Variants in GBP7 observed in about 807,000 individuals in gnomAD.
The protein encoded by GBP7 is guanylate binding protein 7, also known as guanylate-binding protein 7.
In GBP7, 43 loss-of-function variants were observed where a neutral mutation model predicts 61.3. The ratio of observed to expected loss-of-function variants is 0.70; its 90% CI spans 0.55 to 0.91. The LOEUF (loss-of-function observed/expected upper bound fraction) is 0.91. Ranked by LOEUF, GBP7 falls within the 40% of genes least tolerant of loss-of-function variation. The probability of loss-of-function intolerance (pLI) is 0.00; values close to 1 mark genes in which losing one functional copy is unlikely to be tolerated. For missense variants in GBP7, 717 were observed against 740.5 expected (o/e 0.97, Z 0.37); for synonymous variants, 267 against 271.0 (o/e 0.99, Z 0.14).
chr1:89,137,167 C>T (rs1681825993), intron 9 of GBP7, among the ~76,000 whole-genome samples: 1 of 151,892 alleles, frequency 6.6e-6, no homozygotes, highest in Non-Finnish European at 1.5e-5. Context: ...CATTAAAAAG[C>T]CTACCAAGCA....
At chr1:89,152,899 TA>T in intron 3 of GBP7, 122 bp from the exon 4 acceptor site, 2 of 606,950 alleles carry the variant, frequency 3.3e-6, no homozygotes, top group South Asian at 3.6e-5. Flanking sequence ...ATGCTGTGTC[TA>T]AAGGAAACAC....
In GBP7 at chr1:89,132,298, G is replaced by C; in HGVS notation, c.1768C>G (p.Pro590Ala). The C allele has an allele frequency of 6.2e-7, 1 of 1,613,838 alleles. No homozygotes were observed. The highest frequency in any genetic ancestry group is 8.5e-7 in the Non-Finnish European group (1 of 1,179,868). Reference sequence around the variant, plus strand: ...TCAAGAATCTGTGAAAACACTGAGGGCTCTTCATTTTCAGCTGCTTCAATT... The same window carrying C: ...TCAAGAATCTGTGAAAACACTGAGGCCTCTTCATTTTCAGCTGCTTCAATT... ...EQIEAAENEE[P>A]SVFSQILDVA... is the part of the protein sequence containing the mutation. Residue 590 changes from proline (P) to alanine (A), a missense_variant, in exon 11 of 11, where the codon CCC (proline) becomes GCC (alanine). Physicochemically the swap from Pro to Ala is conservative, Grantham distance 27 (BLOSUM62 -1). This residue lies in a region of GBP7 where 312 missense variants were observed against 310.1 expected (regional missense o/e 1.01). Transcript: ENST00000294671.
rs1406441084 is a variant in GBP7 at position 89,150,492 on chromosome 1, C to G, written c.709G>C (p.Asp237His). The G allele has an allele frequency of 7.4e-6, 12 of 1,613,864 alleles. No homozygotes were observed. The highest frequency in any genetic ancestry group is 1.0e-5 in the Non-Finnish European group (12 of 1,179,928). The change falls in exon 6 of 11, where the codon GAC (aspartate) becomes CAC (histidine). Residue 237 changes from aspartate (D) to histidine (H), a missense_variant. By Grantham distance (81) the Asp-to-His change is moderately conservative. Coordinates refer to ENST00000294671, the MANE Select transcript of GBP7 (RefSeq NM_207398.3). Reference sequence around the variant, plus strand: ...AGTTTTTTGTCATTTATTGGCCGGTCAAAGACAAAGCACTTCTGTTTTGGA... The same window carrying G: ...AGTTTTTTGTCATTTATTGGCCGGTGAAAGACAAAGCACTTCTGTTTTGGA... ...FFPKQKCFVF[D>H]RPINDKKLLL...
chr1:89,155,991 A>T (rs1244001826), intron 3 of GBP7, among the ~76,000 whole-genome samples: 1 of 152,258 alleles, frequency 6.6e-6, no homozygotes, highest in Non-Finnish European at 1.5e-5. Context: ...GAAGCCCATC[A>T]GACTAATAGC....
chr1:89,161,739 G>T (rs1464149677), intron 3 of GBP7, among the ~76,000 whole-genome samples: 1 of 152,084 alleles, frequency 6.6e-6, no homozygotes, highest in Non-Finnish European at 1.5e-5. Flanking sequence ...TTACTCTGTT[G>T]ATGGTTTCTT....
rs369626866 is a variant in GBP7, at chr1:89,138,702, T to C, written c.1468+2844A>G. On this transcript the variant is annotated intron_variant, in intron 9 of 10. Transcript: ENST00000294671. The stretch of plus-strand genomic sequence containing the variant: ...ACTCAAGATGAGTTAAAGATGTAAA[T>C]GTAAAATTTAAAACTATAAAACCAC... Among the ~76,000 whole-genome samples the C allele has an allele frequency of 3.7e-4, 56 of 152,164 alleles. 6 individuals carry two copies. Among genetic ancestry groups the C allele is most frequent in the Admixed American group, 9.2e-4 (14 of 15,272 alleles).
At position 89,168,459 on chromosome 1, in the gene GBP7, G is replaced by T. The variant is rs1647503237; in HGVS notation, c.190+3287C>A. On this transcript the variant is annotated intron_variant, in intron 2 of 10. Transcript: ENST00000294671. ...TATTCCTAAAATATTTTCCACCCAT[G>T]CTGACTAGTTGAGCAAAGCAAAACG... 1.3e-5 allele frequency among the ~76,000 whole-genome samples: 2 copies of T among 152,096 alleles called. 1 individual carries two copies. Among genetic ancestry groups the T allele is most frequent in the South Asian group, 4.1e-4 (2 of 4,828 alleles).
At chr1:89,149,149 G>T (rs1682133655) in intron 7 of GBP7, 143 bp downstream of exon 7, 1 of 609,474 alleles carries the variant, frequency 1.6e-6, no homozygotes, top group South Asian at 3.7e-5. Flanking sequence ...ATAAAAAACT[G>T]TAGCCCATTA....
chr1:89,170,200 AGTTCCACATG>A (rs1647561237), intron 2 of GBP7, among the ~76,000 whole-genome samples: 1 of 152,216 alleles, frequency 6.6e-6, no homozygotes, highest in Non-Finnish European at 1.5e-5. Flanking sequence ...AATCTTACCC[AGTTCCACATG>A]GTCTTTTAAT....
chr1:89,140,257 A>G (rs1681903023), intron 9 of GBP7, among the ~76,000 whole-genome samples: 1 of 131,698 alleles, frequency 7.6e-6, no homozygotes. Context: ...ACATGGACAC[A>G]GGAACAGGAA....
chr1:89,169,454 A>G (rs1325378091), intron 2 of GBP7, among the ~76,000 whole-genome samples: 4 of 152,228 alleles, frequency 2.6e-5, no homozygotes, highest in Admixed American at 6.5e-5. Context: ...AATAACTGGA[A>G]CGACTAGAGG....
chr1:89,172,347 A>G (rs573820156), intron 1 of GBP7, among the ~76,000 whole-genome samples: 1 of 152,370 alleles, frequency 6.6e-6, no homozygotes, highest in South Asian at 2.1e-4. Flanking sequence ...GATCCAATCC[A>G]GGATCCCTCA....
intron 10 of GBP7, 128 bp downstream of exon 10, chr1:89,133,130 G>C (rs920537556): frequency 1.4e-6 from 1 of 711,286 alleles, no homozygotes; most frequent in African/African-American, 1.8e-5. Context: ...ATATGTATTT[G>C]AAATTTAAGT....
chr1:89,150,506 T>C lies in GBP7; in HGVS notation c.695A>G (p.Lys232Arg), dbSNP rs199523790. 7 of 1,614,100 alleles carry C rather than the reference T, an allele frequency of 4.3e-6. No individual in the cohort carries two copies. The Admixed American group carries it at 1.2e-4, about 27-fold the overall frequency. The change falls in exon 6 of 11, where the codon AAG becomes AGG. Residue 232 changes from lysine (K) to arginine (R), a missense_variant. By Grantham distance (26) the Lys-to-Arg change is conservative. This residue lies in a region of GBP7 where 387 missense variants were observed against 385.2 expected (regional missense o/e 1.00). Coordinates refer to ENST00000294671, the MANE Select transcript of GBP7 (RefSeq NM_207398.3). Reference sequence around the variant, plus strand: ...TATTGGCCGGTCAAAGACAAAGCACTTCTGTTTTGGAAAGAAATGCCTGAT... The same window carrying C: ...TATTGGCCGGTCAAAGACAAAGCACCTCTGTTTTGGAAAGAAATGCCTGAT... ...EWIRHFFPKQ[K>R]CFVFDRPIND...
chr1:89,139,863 C>T (rs1437687616), intron 9 of GBP7, among the ~76,000 whole-genome samples: 7 of 152,140 alleles, frequency 4.6e-5, no homozygotes, highest in African/African-American at 1.7e-4. Context: ...ACTAGTTCAA[C>T]CATTGTGGAA....
Position 89,152,470 on chromosome 1 carries a change from A to T in GBP7, c.429-6T>A. ...CTGTTAGCTCAGTCACGTAGCTGGGATCTCAGCTAAGGAAGGATAGCACCC... is the reference window on the plus strand; with the variant it reads ...CTGTTAGCTCAGTCACGTAGCTGGGTTCTCAGCTAAGGAAGGATAGCACCC... On this transcript the variant is annotated splice_region_variant and splice_polypyrimidine_tract_variant and intron_variant, in intron 4 of 10. Transcript: ENST00000294671. 1.9e-6 allele frequency: 3 copies of T among 1,613,448 alleles called. No individual in the cohort carries two copies. In the South Asian group the frequency reaches 3.3e-5, roughly 18 times the overall value.
intron 2 of GBP7, among the ~76,000 whole-genome samples, chr1:89,168,824 C>T (rs1423307906): frequency 6.6e-6 from 1 of 151,984 alleles, no homozygotes; most frequent in Non-Finnish European, 1.5e-5. Flanking sequence ...AAAACGGTAG[C>T]CAGGCATGGT....
chr1:89,134,800 C>T (rs2100634074), intron 9 of GBP7, among the ~76,000 whole-genome samples: 1 of 152,312 alleles, frequency 6.6e-6, no homozygotes, highest in African/African-American at 2.4e-5. Context: ...TGTCTCTTAC[C>T]TCCAAATGAG....
intron 2 of GBP7, among the ~76,000 whole-genome samples, chr1:89,168,346 A>AGAGCTCTG (rs1222453556): frequency 2.0e-5 from 3 of 152,202 alleles, no homozygotes; most frequent in Non-Finnish European, 2.9e-5. Context: ...AGCTCAGAGT[A>AGAGCTCTG]ATAATAGGTC....
Sources: gnomAD v4.1 joint callset for allele counts (sites outside exome capture counted in the v4.1 genomes callset) on GRCh38, gnomAD v4.1.1 for gene constraint, gnomAD v4.1.1 regional missense constraint, MANE v1.5 for transcripts, NCBI Gene and HGNC (gene_info 2026-07-23, HGNC 2026-07-21) for gene names.